DMD: variants seen among roughly 807,000 people sequenced by gnomAD.
The protein encoded by DMD is dystrophin.
Under a neutral mutation model 330.1 loss-of-function variants are expected in DMD, and 63 were observed. The ratio of observed to expected loss-of-function variants is 0.19; its 90% CI spans 0.16 to 0.24. DMD has a LOEUF of 0.24. DMD is among the 10% of genes least tolerant of loss of function. The pLI is 1.00. For synonymous variants in DMD, 1,223 were observed against 959.8 expected, an observed-to-expected ratio of 1.27 and a Z score of -5.07; for missense variants, 3,344 against 2,684.1, an observed-to-expected ratio of 1.25 and a Z score of -5.43.
intron 67 of DMD, among the ~76,000 whole-genome samples, chrX:31,203,233 G>T (rs1252334670): frequency 1.1e-5 from 1 of 93,323 alleles, no homozygotes; most frequent in Non-Finnish European, 2.0e-5. Context: ...AGTGAGCAGA[G>T]ATCTCACCAC....
intron 2 of DMD, among the ~76,000 whole-genome samples, chrX:32,920,880 G>A (rs2088329449): frequency 8.9e-6 from 1 of 112,159 alleles, no homozygotes; most frequent in Admixed American, 9.5e-5. Flanking sequence ...AGAGAGTCCA[G>A]GGAAGGAGAG....
At chrX:32,354,170 G>A (rs1387607104) in intron 37 of DMD, among the ~76,000 whole-genome samples, 1 of 111,414 alleles carries the variant, frequency 9.0e-6, no homozygotes. Flanking sequence ...TGTTAATCTG[G>A]ACTATGGAAT....
At chrX:32,884,927 C>A (rs149283614) in intron 2 of DMD, among the ~76,000 whole-genome samples, 1 of 111,623 alleles carries the variant, frequency 9.0e-6, no homozygotes, top group Non-Finnish European at 1.9e-5. Context: ...AAATTTCAGG[C>A]TGTTCTTTAG....
intron 2 of DMD, among the ~76,000 whole-genome samples, chrX:32,852,497 G>A (rs745463232): frequency 9.0e-6 from 1 of 111,092 alleles, no homozygotes; most frequent in East Asian, 2.9e-4. Context: ...TACTCCTTGT[G>A]CTTTTGGAAA....
In DMD at chrX:32,750,388, A is replaced by G. The variant is rs558860832; in HGVS notation, c.650-51095T>C. Among the ~76,000 whole-genome samples, 18 of 112,351 alleles carry G rather than the reference A, an allele frequency of 1.6e-4. No individual in the cohort carries two copies. The South Asian group carries it at 6.6e-3, about 41-fold the overall frequency. On this transcript the variant is annotated intron_variant, in intron 7 of 78. Transcript: ENST00000357033. The stretch of plus-strand genomic sequence containing the variant: ...GAAATTTGATTTACATTTGGAAAGA[A>G]GAGAAATCCACTTATTTTAGAAGTA...
chrX:32,963,976 C>T (rs180809179), intron 2 of DMD, among the ~76,000 whole-genome samples: 85 of 110,986 alleles, frequency 7.7e-4, no homozygotes, highest in East Asian at 6.8e-3. Flanking sequence ...CACTGGTGGT[C>T]GGGTGCGGTG....
intron 25 of DMD, among the ~76,000 whole-genome samples, chrX:32,457,559 G>A (rs914223896): frequency 1.8e-5 from 2 of 110,971 alleles, no homozygotes; most frequent in East Asian, 5.7e-4. Context: ...AGGTACGTAA[G>A]TGGAAAAGCT....
At chrX:33,275,556 T>C (rs1176749127) in intron 1 of DMD, among the ~76,000 whole-genome samples, 1 of 112,035 alleles carries the variant, frequency 8.9e-6, no homozygotes, top group Non-Finnish European at 1.9e-5. Flanking sequence ...ACCATAATTA[T>C]GTGTCAACAC....
At chrX:32,877,079 C>T (rs2083439327) in intron 2 of DMD, among the ~76,000 whole-genome samples, 1 of 112,289 alleles carries the variant, frequency 8.9e-6, no homozygotes, top group African/African-American at 3.2e-5. Flanking sequence ...ATCACAGCTT[C>T]CCTTTTCCCT....
At chrX:32,462,518 A>G (rs2098386997) in intron 25 of DMD, among the ~76,000 whole-genome samples, 1 of 111,011 alleles carries the variant, frequency 9.0e-6, no homozygotes, top group Admixed American at 9.6e-5. Flanking sequence ...CCGTAATTGA[A>G]TATTTAAATA....
chrX:31,707,274 C>T (rs2084271467), intron 52 of DMD, among the ~76,000 whole-genome samples: 2 of 110,534 alleles, frequency 1.8e-5, no homozygotes, highest in South Asian at 7.7e-4. Context: ...CCATTCAGGG[C>T]GTCATCATCC....
At chrX:32,364,371 G>A (rs2097847157) in intron 36 of DMD, among the ~76,000 whole-genome samples, 2 of 111,930 alleles carry the variant, frequency 1.8e-5, no homozygotes, top group Admixed American at 1.9e-4. Flanking sequence ...AATTAACTGA[G>A]TGATGGATTT....
intron 50 of DMD, among the ~76,000 whole-genome samples, chrX:31,789,014 G>A (rs2091445085): frequency 9.0e-6 from 1 of 110,920 alleles, no homozygotes; most frequent in Non-Finnish European, 1.9e-5. Flanking sequence ...GTTGAGTCTT[G>A]TTGTTTTAAT....
intron 67 of DMD, among the ~76,000 whole-genome samples, chrX:31,199,874 A>C (rs1391202137): frequency 1.8e-5 from 2 of 112,204 alleles, no homozygotes; most frequent in African/African-American, 3.2e-5. Flanking sequence ...CTCATTCTGA[A>C]GGTCCTATAC....
chrX:31,522,932 G>A (rs760401889), intron 55 of DMD, among the ~76,000 whole-genome samples: 5 of 111,496 alleles, frequency 4.5e-5, no homozygotes, highest in Admixed American at 3.8e-4. Flanking sequence ...TCTCTCAGGC[G>A]TCTGTGTTCT....
chrX:31,283,763 T>C (rs1286358502), intron 62 of DMD, among the ~76,000 whole-genome samples: 1 of 112,016 alleles, frequency 8.9e-6, no homozygotes, highest in Admixed American at 9.5e-5. Flanking sequence ...AGAAATGTTA[T>C]TAACGGCAAT....
chrX:32,564,947 T>C (rs1054762766), intron 16 of DMD, among the ~76,000 whole-genome samples: 1 of 112,036 alleles, frequency 8.9e-6, no homozygotes, highest in Non-Finnish European at 1.9e-5. Context: ...TGCCAGGCTA[T>C]GTGGCAGAAT....
At chrX:32,242,791 G>T (rs2097213969) in intron 43 of DMD, among the ~76,000 whole-genome samples, 1 of 110,212 alleles carries the variant, frequency 9.1e-6, no homozygotes, top group Non-Finnish European at 1.9e-5. Flanking sequence ...CATTGGCATA[G>T]ATATATAATC....
At chrX:33,177,530 G>A (rs1048947016) in intron 1 of DMD, among the ~76,000 whole-genome samples, 9 of 110,524 alleles carry the variant, frequency 8.1e-5, no homozygotes, top group African/African-American at 3.0e-4. Flanking sequence ...GATTACAGGT[G>A]CGCACCACCA....
Sources: gnomAD v4.1 joint callset for allele counts (sites outside exome capture counted in the v4.1 genomes callset) on GRCh38, gnomAD v4.1.1 for gene constraint, MANE v1.5 for transcripts, NCBI Gene and HGNC (gene_info 2026-07-23, HGNC 2026-07-21) for gene names.